RBFOX1: variants seen among roughly 807,000 people sequenced by gnomAD.
RBFOX1 encodes RNA binding fox-1 homolog 1.
Under a neutral mutation model 57.7 loss-of-function variants are expected in RBFOX1, and 8 were observed. That is an observed-to-expected ratio of 0.14 (90% CI 0.08 to 0.25). The LOEUF (loss-of-function observed/expected upper bound fraction) is 0.25, where lower values mean the gene tolerates loss of function less well. Among genes scored for constraint, RBFOX1 ranks in the 10% least tolerant of loss-of-function variants. The pLI, the probability that RBFOX1 is intolerant of heterozygous loss-of-function variation, is 1.00. For synonymous variants in RBFOX1, 326 were observed against 222.4 expected (o/e 1.47, Z -4.15); for missense variants, 611 against 548.5 (o/e 1.11, Z -1.14).
At position 5,303,390 on chromosome 16, in the gene RBFOX1, C is replaced by T. The variant is rs910233341; in HGVS notation, c.219+63285C>T. ...GCAGTAAATGCTAGTCTTTTGGAGT[C>T]TGTATTTCAGTTCCACGGTCAAGCT... On this transcript the variant is annotated intron_variant, in intron 1 of 2. Transcript: ENST00000585867. Among the ~76,000 whole-genome samples, 7 of 152,190 alleles carry T rather than the reference C, an allele frequency of 4.6e-5. No homozygotes were observed. In the East Asian group the frequency reaches 9.6e-4, roughly 21 times the overall value.
At chr16:6,611,533 C>G (rs2098053681) in intron 2 of RBFOX1, among the ~76,000 whole-genome samples, 1 of 152,186 alleles carries the variant, frequency 6.6e-6, no homozygotes, top group African/African-American at 2.4e-5. Context: ...TTCTGGTACT[C>G]ATACAACTTG....
At chr16:7,305,897 C>A (rs1386814456) in intron 4 of RBFOX1, among the ~76,000 whole-genome samples, 1 of 152,178 alleles carries the variant, frequency 6.6e-6, no homozygotes, top group Non-Finnish European at 1.5e-5. Flanking sequence ...TCATCTTCCA[C>A]AATTTCTGTG....
intron 14 of RBFOX1, among the ~76,000 whole-genome samples, chr16:7,704,249 C>T (rs117192841): frequency 1.9e-4 from 29 of 152,190 alleles, no homozygotes; most frequent in Non-Finnish European, 4.0e-4. Flanking sequence ...GATGAGGTCT[C>T]ATGATGGTTG....
At chr16:6,032,597 G>C (rs1223137542) in intron 1 of RBFOX1, among the ~76,000 whole-genome samples, 4 of 152,120 alleles carry the variant, frequency 2.6e-5, no homozygotes, top group Admixed American at 2.0e-4. Context: ...GCAGTGTCTG[G>C]AACAAATGCT....
intron 12 of RBFOX1, among the ~76,000 whole-genome samples, chr16:7,658,673 A>G (rs1034320240): frequency 6.6e-6 from 1 of 152,154 alleles, no homozygotes; most frequent in Non-Finnish European, 1.5e-5. Context: ...ATGAGTACCT[A>G]TTAGGTACCG....
At chr16:6,954,845 C>T (rs987954890) in intron 3 of RBFOX1, among the ~76,000 whole-genome samples, 1 of 152,074 alleles carries the variant, frequency 6.6e-6, no homozygotes, top group Non-Finnish European at 1.5e-5. Flanking sequence ...ACTTTATAAC[C>T]TTGGGCAAGT....
At chr16:6,235,319 C>T (rs2097497404) in intron 1 of RBFOX1, among the ~76,000 whole-genome samples, 1 of 152,094 alleles carries the variant, frequency 6.6e-6, no homozygotes, top group African/African-American at 2.4e-5. Flanking sequence ...TCCACCTATT[C>T]AGCAGCATAA....
chr16:5,949,191 A>G (rs2059466711), intron 4 of RBFOX1, among the ~76,000 whole-genome samples: 1 of 152,180 alleles, frequency 6.6e-6, no homozygotes, highest in Admixed American at 6.5e-5. Context: ...CAATGATACA[A>G]GGATATTATC....
At chr16:6,688,752 T>C (rs2059801272) in intron 3 of RBFOX1, among the ~76,000 whole-genome samples, 1 of 152,202 alleles carries the variant, frequency 6.6e-6, no homozygotes, top group Non-Finnish European at 1.5e-5. Context: ...ACCCATCATC[T>C]ACATTAGGTA....
At chr16:5,704,693 T>C (rs11076952) in intron 3 of RBFOX1, among the ~76,000 whole-genome samples, 115,179 of 152,072 alleles carry the variant, frequency 0.76, 49,143 homozygotes, top group Non-Finnish European at 0.94. Context: ...GGCTAGGGTT[T>C]CATTTGGCTC....
At chr16:6,643,245 CG>C (rs2098506867) in intron 2 of RBFOX1, among the ~76,000 whole-genome samples, 1 of 152,062 alleles carries the variant, frequency 6.6e-6, no homozygotes, top group South Asian at 2.1e-4. Flanking sequence ...TTGGTGCTTT[CG>C]GTATTTTTTG....
chr16:7,334,344 T>C (rs1485789320), intron 4 of RBFOX1, among the ~76,000 whole-genome samples: 1 of 152,148 alleles, frequency 6.6e-6, no homozygotes, highest in Non-Finnish European at 1.5e-5. Context: ...TTCCCTGGTA[T>C]ACACAGGCCG....
At chr16:7,062,321 A>G (rs971176974) in intron 4 of RBFOX1, among the ~76,000 whole-genome samples, 6 of 145,640 alleles carry the variant, frequency 4.1e-5, no homozygotes, top group Admixed American at 2.0e-4. Context: ...CCATCTCAAA[A>G]AAAAAAAAAA....
intron 4 of RBFOX1, among the ~76,000 whole-genome samples, chr16:7,223,058 C>A (rs563883111): frequency 6.6e-6 from 1 of 152,270 alleles, no homozygotes; most frequent in South Asian, 2.1e-4. Context: ...ATTGCAGATG[C>A]GATTCTCATT....
chr16:7,612,193 C>T (rs970541236), intron 10 of RBFOX1, among the ~76,000 whole-genome samples: 29 of 151,762 alleles, frequency 1.9e-4, no homozygotes, highest in African/African-American at 4.8e-4. Flanking sequence ...TGGTGGTGGG[C>T]GCCTGTAGTC....
At chr16:7,419,376 A>G (rs770317414) in intron 4 of RBFOX1, among the ~76,000 whole-genome samples, 1 of 152,170 alleles carries the variant, frequency 6.6e-6, no homozygotes, top group African/African-American at 2.4e-5. Context: ...ACTGTCTCTC[A>G]TCTGAATTTA....
At chr16:6,140,299 G>C (rs921855912) in intron 1 of RBFOX1, among the ~76,000 whole-genome samples, 2 of 151,084 alleles carry the variant, frequency 1.3e-5, no homozygotes, top group African/African-American at 4.9e-5. Flanking sequence ...TCAAGCGATT[G>C]TCCTGCTTCA....
chr16:7,208,931 G>A (rs1326720355), intron 4 of RBFOX1, among the ~76,000 whole-genome samples: 1 of 151,892 alleles, frequency 6.6e-6, no homozygotes, highest in Non-Finnish European at 1.5e-5. Context: ...TTCCTGGCGG[G>A]CATTAATCTA....
At chr16:7,058,006 G>GA (rs61023664) in intron 4 of RBFOX1, among the ~76,000 whole-genome samples, 1,516 of 136,636 alleles carry the variant, frequency 0.011, 35 homozygotes, top group African/African-American at 0.033. Flanking sequence ...AGACTGTGGG[G>GA]AAAAAAAAAA....
Sources: allele counts gnomAD v4.1 joint callset (sites outside exome capture counted in the v4.1 genomes callset), GRCh38; gene constraint gnomAD v4.1.1; transcripts MANE v1.5; gene names NCBI Gene and HGNC (gene_info 2026-07-23, HGNC 2026-07-21).